Variants in SLC43A2 observed in about 807,000 individuals in gnomAD.
SLC43A2 encodes the protein solute carrier family 43 member 2, also known as large neutral amino acids transporter small subunit 4.
In SLC43A2, 38 loss-of-function variants were observed where a neutral mutation model predicts 63.2. The ratio of observed to expected loss-of-function variants is 0.60; its 90% confidence interval spans 0.46 to 0.79. SLC43A2 has a LOEUF of 0.79. Among genes scored for constraint, SLC43A2 ranks in the 30% least tolerant of loss-of-function variants. The probability of loss-of-function intolerance (pLI) is 0.00; values close to 1 mark genes in which losing one functional copy is unlikely to be tolerated. For synonymous variants in SLC43A2, 322 were observed against 331.0 expected (o/e 0.97, Z 0.30); for missense variants, 644 against 756.2 (o/e 0.85, Z 1.74).
chr17:1,577,217 C>T lies in SLC43A2; in HGVS notation c.1425-497G>A, dbSNP rs1045851449. Among the ~76,000 whole-genome samples the T allele has an allele frequency of 2.0e-5, 3 of 152,204 alleles. No homozygotes were observed. Among genetic ancestry groups the T allele is most frequent in the African/African-American group, 7.2e-5 (3 of 41,450 alleles). The stretch of plus-strand genomic sequence containing the variant: ...CTTTGGACCAGCTCCAGGCCCCAGA[C>T]TCTGGGGAGGGCCCACCCCACTCAG... On this transcript the variant is annotated intron_variant, in intron 12 of 13. Coordinates refer to ENST00000301335, the MANE Select transcript of SLC43A2 (RefSeq NM_152346.3). The surrounding 1 kb of genome is among the most constrained non-coding windows in gnomAD (Gnocchi z 4.9).
chr17:1,597,392 C>G (rs950230853), intron 5 of SLC43A2, among the ~76,000 whole-genome samples: 2 of 151,414 alleles, frequency 1.3e-5, no homozygotes, highest in African/African-American at 4.9e-5. Flanking sequence ...GTAATCCCAG[C>G]TACTTGGGAG....
chr17:1,613,386 CG>C (rs1907305669), intron 4 of SLC43A2, 115 bp from the exon 5 acceptor site: 2 of 842,400 alleles, frequency 2.4e-6, no homozygotes, highest in African/African-American at 1.7e-5. Context: ...AAACGCAGGC[CG>C]GGGTTAGTAC....
intron 5 of SLC43A2, among the ~76,000 whole-genome samples, chr17:1,611,160 A>G (rs1907064944): frequency 6.6e-6 from 1 of 152,088 alleles, no homozygotes. Flanking sequence ...CTTTCTTAAC[A>G]GGGATTCTTG....
At chr17:1,624,249 C>A (rs921032313) in intron 2 of SLC43A2, among the ~76,000 whole-genome samples, 5 of 152,306 alleles carry the variant, frequency 3.3e-5, no homozygotes, top group Admixed American at 6.5e-5. Flanking sequence ...CCAGCCTGGG[C>A]AACATGGTGA....
intron 11 of SLC43A2, among the ~76,000 whole-genome samples, chr17:1,581,875 G>C (rs920485086): frequency 7.1e-6 from 1 of 140,590 alleles, no homozygotes; most frequent in Non-Finnish European, 1.5e-5. Context: ...GCGCAATCTC[G>C]GCTCACTGCA....
At chr17:1,614,160 G>T (rs968050681) in intron 4 of SLC43A2, among the ~76,000 whole-genome samples, 1 of 152,070 alleles carries the variant, frequency 6.6e-6, no homozygotes, top group African/African-American at 2.4e-5. Context: ...GGAGAATGGC[G>T]TGAACCCGGG....
At chr17:1,576,849 T>G in intron 12 of SLC43A2, 129 bp from the exon 13 acceptor site, 2 of 1,067,244 alleles carry the variant, frequency 1.9e-6, no homozygotes, top group South Asian at 1.7e-5. Flanking sequence ...GATTCCTTCC[T>G]GCTGGGCAGT....
chr17:1,602,456 G>A (rs555630812), intron 5 of SLC43A2, among the ~76,000 whole-genome samples: 1 of 152,152 alleles, frequency 6.6e-6, no homozygotes, highest in East Asian at 1.9e-4. Flanking sequence ...GACCAGCCTG[G>A]CCAACATAGT....
rs917052333 is a variant in SLC43A2 at position 1,628,520 on chromosome 17, G to C, written c.-47+274C>G. Among the ~76,000 whole-genome samples, 5 of 152,124 alleles carry C rather than the reference G, an allele frequency of 3.3e-5. No individual in the cohort carries two copies. In the East Asian group the frequency reaches 9.8e-4, roughly 30 times the overall value. On this transcript the variant is annotated intron_variant, in intron 1 of 13. Coordinates refer to ENST00000301335, the MANE Select transcript of SLC43A2 (RefSeq NM_152346.3). ...TAGGCGCTGCGGCCACGCGAACCCA[G>C]CGTGGGAGACGAGGAGCCGGTTCAA... is the stretch of plus-strand genomic sequence containing the variant.
intron 5 of SLC43A2, among the ~76,000 whole-genome samples, chr17:1,600,152 A>ATATATATATATATATATTTT (rs1216616243): frequency 2.3e-4 from 14 of 60,276 alleles, no homozygotes; most frequent in African/African-American, 7.0e-4. Context: ...ATATATATAT[A>ATATATATATATATATATTTT]TTTTTTTTTT....
chr17:1,613,072 A>G, intron 5 of SLC43A2, 123 bp downstream of exon 5: 1 of 852,158 alleles, frequency 1.2e-6, no homozygotes, highest in Non-Finnish European at 1.9e-6. Context: ...TAGCCCCTCT[A>G]CTGTTTGGGA....
chr17:1,627,988 G>C, intron 1 of SLC43A2, 68 bp from the exon 2 acceptor site: 11 of 1,259,454 alleles, frequency 8.7e-6, no homozygotes, highest in Non-Finnish European at 1.1e-5. Flanking sequence ...CAGCAGCCCC[G>C]ACCGCTGCCG....
chr17:1,599,200 T>C (rs1905642002), intron 5 of SLC43A2, among the ~76,000 whole-genome samples: 1 of 150,102 alleles, frequency 6.7e-6, no homozygotes, highest in Non-Finnish European at 1.5e-5. Flanking sequence ...ATTAGCCGGG[T>C]GTGGCGGCGT....
rs961261260 is a variant in SLC43A2 at position 1,571,988 on chromosome 17, C to G, written c.*3616G>C. The G allele has an allele frequency of 1.3e-5, 2 of 152,460 alleles. No individual in the cohort carries two copies. The highest frequency in any genetic ancestry group is 2.9e-5 in the Non-Finnish European group (2 of 68,296). 9.4% of individuals were successfully genotyped at this position (152,460 alleles called of 1,614,324 possible). A position where few individuals can be genotyped will look rare whatever the true frequency, so the allele number is the denominator to read the frequency against. ...GGGAGCCCTTCCTGCTCCTTCCCGC[C>G]AGAGCCTGGAGGATGAGGGGCAGAC... On this transcript the variant is annotated 3_prime_UTR_variant, in exon 14 of 14. Coordinates refer to ENST00000301335, the MANE Select transcript of SLC43A2 (RefSeq NM_152346.3). This position sits in a 1 kb window ranked among gnomAD's most constrained non-coding sequence, Gnocchi z 5.2.
At position 1,577,978 on chromosome 17, in the gene SLC43A2, C is replaced by T. The variant is rs2075959421; in HGVS notation, c.1424+272G>A. Among the ~76,000 whole-genome samples the T allele has an allele frequency of 6.6e-6, 1 of 152,232 alleles. No homozygotes were observed. Among genetic ancestry groups the T allele is most frequent in the Non-Finnish European group, 1.5e-5 (1 of 68,038 alleles). ...GCCCCTGAGGCCATAATGAGCTGCA[C>T]AGGTGCCTGACCCTGGCTGGGGGAA... On this transcript the variant is annotated intron_variant, in intron 12 of 13. Transcript: ENST00000301335. This position sits in a 1 kb window ranked among gnomAD's most constrained non-coding sequence, Gnocchi z 4.9.
chr17:1,606,677 C>A lies in SLC43A2; in HGVS notation c.501+6518G>T, dbSNP rs977182912. Among the ~76,000 whole-genome samples, 6 of 152,248 alleles carry A rather than the reference C, an allele frequency of 3.9e-5. No individual in the cohort carries two copies. Among genetic ancestry groups the A allele is most frequent in the Admixed American group, 3.3e-4 (5 of 15,288 alleles). On this transcript the variant is annotated intron_variant, in intron 5 of 13. Transcript: ENST00000301335. This position sits in a 1 kb window ranked among gnomAD's most constrained non-coding sequence, Gnocchi z 4.7. ...GATGAAGCGAGTGCAAAGGGCTGTA[C>A]AAACGCGAGGCACTGAACAAACACT...
chr17:1,590,738 G>A lies in SLC43A2; in HGVS notation c.1078+64C>T, dbSNP rs557559695. 71 of 1,538,960 alleles carry A rather than the reference G, an allele frequency of 4.6e-5. No homozygotes were observed. The East Asian group carries it at 1.2e-3, about 25-fold the overall frequency. ...CGGCTCAGCTTAACACATTCTGGCC[G>A]GTGGCCAGTGGGCTGGGCTCAGGCC... On this transcript the variant is annotated intron_variant, in intron 9 of 13. Coordinates refer to ENST00000301335, the MANE Select transcript of SLC43A2 (RefSeq NM_152346.3).
At chr17:1,576,062 G>A (rs987548832) in intron 13 of SLC43A2, among the ~76,000 whole-genome samples, 1 of 149,424 alleles carries the variant, frequency 6.7e-6, no homozygotes, top group Non-Finnish European at 1.5e-5. Flanking sequence ...GGCGGGGACA[G>A]GAACTGTGTT....
In SLC43A2 at chr17:1,605,593, A is replaced by G. The variant is rs1473362020; in HGVS notation, c.501+7602T>C. 2.0e-4 allele frequency among the ~76,000 whole-genome samples: 1 copy of G among 5,054 alleles called. No homozygotes were observed. The highest frequency in any genetic ancestry group is 3.6e-4 in the Non-Finnish European group (1 of 2,798). The allele number at this position is 5,054 out of a possible 152,430, so 3.3% of individuals were successfully genotyped here. A position where few individuals can be genotyped will look rare whatever the true frequency, so the allele number is the denominator to read the frequency against. On this transcript the variant is annotated intron_variant, in intron 5 of 13. Coordinates refer to ENST00000301335, the MANE Select transcript of SLC43A2 (RefSeq NM_152346.3). The surrounding 1 kb of genome is among the most constrained non-coding windows in gnomAD (Gnocchi z 4.9). ...GGTGGGTGGGGGCTGCGGAGCTGGG[A>G]GGTGGGTGGGGGCTGGGGAGCTGGG...
Sources: allele counts gnomAD v4.1 joint callset (sites outside exome capture counted in the v4.1 genomes callset), GRCh38; gene constraint gnomAD v4.1.1; non-coding constraint Gnocchi (gnomAD v3.1); transcripts MANE v1.5; gene names NCBI Gene and HGNC (gene_info 2026-07-23, HGNC 2026-07-21).